The following UBE2E2 variants were observed in gnomAD, a reference collection of about 807,000 sequenced individuals.
UBE2E2 encodes ubiquitin conjugating enzyme E2 E2, also known as ubiquitin-conjugating enzyme E2 E2.
A neutral mutation model predicts 24.7 loss-of-function variants in UBE2E2; 6 were observed. The observed-to-expected ratio is 0.24, with a 90% CI of 0.13 to 0.48. The LOEUF (loss-of-function observed/expected upper bound fraction) is 0.48. UBE2E2 is among the 20% of genes least tolerant of loss of function. The pLI is 0.99. For missense variants in UBE2E2, 169 were observed against 245.0 expected (o/e 0.69, Z 2.07); for synonymous variants, 104 against 83.6 (o/e 1.24, Z -1.33).
chr3:23,567,325 A>C (rs1696100247), intron 5 of UBE2E2, among the ~76,000 whole-genome samples: 1 of 152,238 alleles, frequency 6.6e-6, no homozygotes, highest in African/African-American at 2.4e-5. Flanking sequence ...GTGTGTGGAC[A>C]GAATTTCGTC....
chr3:23,225,781 T>C (rs1168742172), intron 3 of UBE2E2, among the ~76,000 whole-genome samples: 1 of 152,210 alleles, frequency 6.6e-6, no homozygotes, highest in Non-Finnish European at 1.5e-5. Flanking sequence ...GGTAAGGCAT[T>C]CCCAGTGGAA....
intron 2 of UBE2E2, among the ~76,000 whole-genome samples, chr3:23,213,488 G>A (rs1696384772): frequency 6.6e-6 from 1 of 151,958 alleles, no homozygotes; most frequent in African/African-American, 2.4e-5. Context: ...AACGGTTAAG[G>A]TATAAGGTGG....
At chr3:23,452,240 A>G (rs973522565) in intron 3 of UBE2E2, among the ~76,000 whole-genome samples, 2 of 152,244 alleles carry the variant, frequency 1.3e-5, no homozygotes, top group East Asian at 1.9e-4. Context: ...ATATCTAGCT[A>G]CTGTGTGGAT....
intron 3 of UBE2E2, among the ~76,000 whole-genome samples, chr3:23,351,448 TAAAG>T (rs1445386405): frequency 6.6e-6 from 1 of 152,106 alleles, no homozygotes; most frequent in African/African-American, 2.4e-5. Flanking sequence ...GCAAATTGGA[TAAAG>T]AGTCAAGACC....
At position 23,474,685 on chromosome 3, in the gene UBE2E2, GTAA is replaced by G. The variant is rs1013643372; in HGVS notation, c.228-24918_228-24916del. On this transcript the variant is annotated intron_variant, in intron 3 of 5. Transcript: ENST00000396703. This position sits in a 1 kb window ranked among gnomAD's most constrained non-coding sequence, Gnocchi z 4.0. The stretch of plus-strand genomic sequence containing the variant: ...AAACTATGCTGTTTCCACTTATGTG[GTAA>G]TAATGCGTTAGACCAATTACAGTCT... Among the ~76,000 whole-genome samples, 2 of 152,054 alleles carry G rather than the reference GTAA, an allele frequency of 1.3e-5. No individual in the cohort carries two copies. The highest frequency in any genetic ancestry group is 4.8e-5 in the African/African-American group (2 of 41,322).
intron 3 of UBE2E2, among the ~76,000 whole-genome samples, chr3:23,257,525 C>A (rs868836833): frequency 4.6e-4 from 14 of 30,176 alleles, no homozygotes; most frequent in Admixed American, 7.5e-4. Context: ...CCCCCCCCCC[C>A]CCCACTTTTT....
intron 3 of UBE2E2, among the ~76,000 whole-genome samples, chr3:23,383,172 G>T (rs1696717070): frequency 6.6e-6 from 1 of 152,166 alleles, no homozygotes; most frequent in Non-Finnish European, 1.5e-5. Flanking sequence ...AGGGGTCAGG[G>T]ACTCAGGGTT....
intron 4 of UBE2E2, among the ~76,000 whole-genome samples, chr3:23,529,373 C>T (rs893577845): frequency 3.9e-5 from 6 of 152,164 alleles, no homozygotes; most frequent in Admixed American, 2.0e-4. Context: ...AGGATGTTTT[C>T]ATTGGGGAAA....
At chr3:23,564,532 C>T (rs191403206) in intron 5 of UBE2E2, among the ~76,000 whole-genome samples, 4 of 152,222 alleles carry the variant, frequency 2.6e-5, no homozygotes, top group African/African-American at 9.6e-5. Context: ...TGACTGTGCC[C>T]ACCACACAAG....
intron 3 of UBE2E2, among the ~76,000 whole-genome samples, chr3:23,412,338 G>C (rs1280372052): frequency 2.0e-5 from 3 of 152,078 alleles, no homozygotes; most frequent in South Asian, 2.1e-4. Flanking sequence ...TTGTATACTA[G>C]ATCATTTTGG....
chr3:23,390,237 C>G (rs1334386898), intron 3 of UBE2E2, among the ~76,000 whole-genome samples: 1 of 152,118 alleles, frequency 6.6e-6, no homozygotes, highest in Non-Finnish European at 1.5e-5. Flanking sequence ...TTTTCCCTCC[C>G]AAATGTTACA....
intron 5 of UBE2E2, among the ~76,000 whole-genome samples, chr3:23,580,433 G>T (rs1191368480): frequency 1.3e-5 from 2 of 152,196 alleles, no homozygotes; most frequent in Non-Finnish European, 2.9e-5. Flanking sequence ...TGAAGGCTCA[G>T]ATGATTGTTA....
At chr3:23,546,464 T>G (rs1051138157) in intron 5 of UBE2E2, among the ~76,000 whole-genome samples, 4 of 142,746 alleles carry the variant, frequency 2.8e-5, no homozygotes. Context: ...ATTTAGATTT[T>G]TTTTTTTTTT....
intron 3 of UBE2E2, among the ~76,000 whole-genome samples, chr3:23,355,341 A>G (rs1456575499): frequency 1.3e-5 from 2 of 152,104 alleles, no homozygotes; most frequent in African/African-American, 4.8e-5. Context: ...TAACCTGTAC[A>G]TTGTGCACAT....
Position 23,571,329 on chromosome 3 carries a change from A to G in UBE2E2, c.509-18405A>G, listed in dbSNP as rs565298377. ...TTTTGAGACAGAGTCTCGCTCTGTC[A>G]GATAGGCTAGAATGCAGTGGCACAA... On this transcript the variant is annotated intron_variant, in intron 5 of 5. Transcript: ENST00000396703. Among the ~76,000 whole-genome samples, 13 of 53,802 alleles carry G rather than the reference A, an allele frequency of 2.4e-4. No homozygotes were observed. In the South Asian group the frequency reaches 8.3e-3, roughly 34 times the overall value. The allele number at this position is 53,802 out of a possible 152,430, so 35.3% of individuals were successfully genotyped here.
At position 23,548,773 on chromosome 3, in the gene UBE2E2, A is replaced by AT. The variant is rs201303257; in HGVS notation, c.508+16078dup. ...ACAAACAGAAGGACTTCCAAGCCAT[A>AT]TTTTTTATTTTTTAAGAGTAGCTTT... On this transcript the variant is annotated intron_variant, in intron 5 of 5. Transcript: ENST00000396703. 9.2e-3 allele frequency among the ~76,000 whole-genome samples: 1,406 copies of AT among 152,262 alleles called. 14 individuals are homozygous for AT. The highest frequency in any genetic ancestry group is 0.03 in the African/African-American group (1,245 of 41,544).
intron 3 of UBE2E2, among the ~76,000 whole-genome samples, chr3:23,396,673 C>T (rs530575092): frequency 2.6e-5 from 4 of 152,218 alleles, no homozygotes; most frequent in South Asian, 2.1e-4. Context: ...CTTTCTGTCT[C>T]TCTGTTTCTT....
At chr3:23,245,556 T>G (rs529950527) in intron 3 of UBE2E2, among the ~76,000 whole-genome samples, 1 of 152,314 alleles carries the variant, frequency 6.6e-6, no homozygotes, top group South Asian at 2.1e-4. Flanking sequence ...ATTTAAATAC[T>G]ACAACTAAAC....
At chr3:23,506,191 C>G (rs1559405863) in intron 4 of UBE2E2, among the ~76,000 whole-genome samples, 1 of 152,190 alleles carries the variant, frequency 6.6e-6, no homozygotes, top group Non-Finnish European at 1.5e-5. Context: ...CATGAATTGG[C>G]TTGTTTTTAA....
Sources: allele counts gnomAD v4.1 joint callset (sites outside exome capture counted in the v4.1 genomes callset), GRCh38; gene constraint gnomAD v4.1.1; non-coding constraint Gnocchi (gnomAD v3.1); transcripts MANE v1.5; gene names NCBI Gene and HGNC (gene_info 2026-07-23, HGNC 2026-07-21).